PRR5L: variants seen among roughly 807,000 people sequenced by gnomAD.
The protein encoded by PRR5L is proline-rich protein 5-like.
In PRR5L, 21 loss-of-function variants were observed where a neutral mutation model predicts 36.4. That is an observed-to-expected ratio of 0.58 (90% confidence interval 0.41 to 0.83). The LOEUF is 0.83. Among genes scored for constraint, PRR5L ranks in the 40% least tolerant of loss-of-function variants. The pLI, the probability that PRR5L is intolerant of heterozygous loss-of-function variation, is 0.00. For synonymous variants in PRR5L, 188 were observed against 197.0 expected, an observed-to-expected ratio of 0.95 and a Z score of 0.38; for missense variants, 381 against 473.3, an observed-to-expected ratio of 0.80 and a Z score of 1.81.
chr11:36,331,242 A>G (rs1227764434), intron 1 of PRR5L, among the ~76,000 whole-genome samples: 2 of 151,250 alleles, frequency 1.3e-5, no homozygotes, highest in African/African-American at 4.8e-5. Flanking sequence ...TTAGAATGTC[A>G]AATAACCTAA....
intron 1 of PRR5L, among the ~76,000 whole-genome samples, chr11:36,330,518 G>T (rs749191215): frequency 6.6e-6 from 1 of 152,184 alleles, no homozygotes; most frequent in Middle Eastern, 3.4e-3. Context: ...ATCCCTTTCC[G>T]TGGGTCTTGA....
At chr11:36,385,290 A>G (rs1857437621) in intron 1 of PRR5L, among the ~76,000 whole-genome samples, 1 of 152,214 alleles carries the variant, frequency 6.6e-6, no homozygotes, top group Non-Finnish European at 1.5e-5. Context: ...CCCAGACAAT[A>G]TGCACTCCAA....
chr11:36,396,658 A>C (rs1257518407), intron 1 of PRR5L, among the ~76,000 whole-genome samples: 1 of 152,118 alleles, frequency 6.6e-6, no homozygotes, highest in Non-Finnish European at 1.5e-5. Context: ...TATCCATTTA[A>C]TCCTCCTCCA....
chr11:36,352,319 T>C (rs11603150), intron 1 of PRR5L, among the ~76,000 whole-genome samples: 38,624 of 152,046 alleles, frequency 0.25, 5,617 homozygotes, highest in Non-Finnish European at 0.33. Context: ...TTTGTTTGAG[T>C]TCCTTGTAGA....
At position 36,422,248 on chromosome 11, in the gene PRR5L, G is replaced by A. The variant is rs148887019; in HGVS notation, c.294+2945G>A. ...GAGACACGTCCCAGAGGGAAGGCTT[G>A]TAGAGGCGAGCTTAGCCTTCACATT... On this transcript the variant is annotated intron_variant, in intron 4 of 8. Transcript: ENST00000530639. Among the ~76,000 whole-genome samples, 1,130 of 152,282 alleles carry A rather than the reference G, an allele frequency of 7.4e-3. 5 individuals are homozygous for A. The highest frequency in any genetic ancestry group is 0.027 in the Middle Eastern group (8 of 294).
Position 36,462,692 on chromosome 11 carries a change from G to A in PRR5L, c.1063G>A (p.Gly355Ser), listed in dbSNP as rs577292135. The change falls in exon 9 of 9, where the codon GGC (glycine) becomes AGC (serine). Residue 355 changes from glycine to serine, a missense_variant. Physicochemically the swap from Gly to Ser is moderately conservative, Grantham distance 56 (BLOSUM62 0). Transcript: ENST00000530639. ...TGACGGACTGGAGGAGGGGGCCAGGGGCAGCCAGGAGGGCTCGGAGCTGAA... is the reference window on the plus strand; with the variant it reads ...TGACGGACTGGAGGAGGGGGCCAGGAGCAGCCAGGAGGGCTCGGAGCTGAA... ...NPDGLEEGAR[G>S]SQEGSELNCA... The A allele has an allele frequency of 7.5e-6, 12 of 1,601,362 alleles. No homozygotes were observed. The African/African-American group carries it at 1.5e-4, about 20-fold the overall frequency.
rs1170878807 is a variant in PRR5L at position 36,464,384 on chromosome 11, AAATATGATTGAT to A, written c.*1649_*1660del. ...CATTTCCCTTCTGAGTGAAGATTTG[AAATATGATTGAT>A]TAGAATTGTGCTCTTGATGGCTGGG... On this transcript the variant is annotated 3_prime_UTR_variant, in exon 9 of 9. Coordinates refer to ENST00000530639, the MANE Select transcript of PRR5L (RefSeq NM_001160167.2). The A allele has an allele frequency of 6.6e-6, 1 of 152,228 alleles. No individual in the cohort carries two copies. The highest frequency in any genetic ancestry group is 6.5e-5 in the Admixed American group (1 of 15,286). The allele number at this position is 152,228 out of a possible 1,614,324, so 9.4% of individuals were successfully genotyped here. A position where few individuals can be genotyped will look rare whatever the true frequency, so the allele number is the denominator to read the frequency against.
At chr11:36,357,603 C>T (rs1554987861) in intron 1 of PRR5L, among the ~76,000 whole-genome samples, 1 of 152,114 alleles carries the variant, frequency 6.6e-6, no homozygotes, top group Non-Finnish European at 1.5e-5. Context: ...GCTAAATATA[C>T]TCTGCCTGTG....
intron 1 of PRR5L, among the ~76,000 whole-genome samples, chr11:36,375,366 T>C (rs1005777247): frequency 1.3e-5 from 2 of 152,204 alleles, no homozygotes; most frequent in African/African-American, 4.8e-5. Flanking sequence ...CTTTTAGCTT[T>C]ACCTAATATC....
intron 4 of PRR5L, among the ~76,000 whole-genome samples, chr11:36,420,865 A>ACACACACACG (rs1858249725): frequency 6.6e-6 from 1 of 151,098 alleles, no homozygotes; most frequent in Admixed American, 6.6e-5. Context: ...ACACACACAC[A>ACACACACACG]CACACACACA....
At chr11:36,420,079 T>C (rs192534053) in intron 4 of PRR5L, among the ~76,000 whole-genome samples, 3 of 152,304 alleles carry the variant, frequency 2.0e-5, no homozygotes. Context: ...TTTTCATGAC[T>C]CTAACCAAAG....
intron 1 of PRR5L, among the ~76,000 whole-genome samples, chr11:36,351,003 TATTTATATAG>T (rs1440258406): frequency 7.7e-5 from 8 of 104,196 alleles, no homozygotes; most frequent in African/African-American, 3.3e-4. Context: ...TATTTATATA[TATTTATATAG>T]TTATATATTT....
At chr11:36,340,484 C>T (rs12364237) in intron 1 of PRR5L, among the ~76,000 whole-genome samples, 13,458 of 152,256 alleles carry the variant, frequency 0.088, 722 homozygotes, top group Non-Finnish European at 0.12. Context: ...AGACACTGTT[C>T]GAAGTGCTTT....
chr11:36,304,091 G>A (rs1430757354), intron 1 of PRR5L, among the ~76,000 whole-genome samples: 1 of 152,108 alleles, frequency 6.6e-6, no homozygotes, highest in African/African-American at 2.4e-5. Flanking sequence ...AAGAGACTGA[G>A]GCCATTCCTC....
At chr11:36,420,367 T>C (rs1213695802) in intron 4 of PRR5L, among the ~76,000 whole-genome samples, 1 of 152,218 alleles carries the variant, frequency 6.6e-6, no homozygotes, top group Non-Finnish European at 1.5e-5. Flanking sequence ...TCACAGCCTT[T>C]AGAGGCAGAG....
At chr11:36,412,570 T>C (rs1253087116) in intron 3 of PRR5L, among the ~76,000 whole-genome samples, 1 of 152,196 alleles carries the variant, frequency 6.6e-6, no homozygotes, top group Non-Finnish European at 1.5e-5. Context: ...GATTTTCATC[T>C]TCCCTGCATC....
intron 6 of PRR5L, among the ~76,000 whole-genome samples, chr11:36,440,658 G>A (rs776420174): frequency 3.5e-4 from 54 of 152,182 alleles, no homozygotes; most frequent in Non-Finnish European, 6.8e-4. Flanking sequence ...GACTGTGTTA[G>A]TCTGTTTGTG....
intron 5 of PRR5L, among the ~76,000 whole-genome samples, chr11:36,432,303 A>G (rs1858517245): frequency 6.6e-6 from 1 of 152,058 alleles, no homozygotes; most frequent in South Asian, 2.1e-4. Flanking sequence ...AGGCCTTTGT[A>G]ATATTTCTGG....
chr11:36,452,314 G>A (rs1858961516), intron 8 of PRR5L, among the ~76,000 whole-genome samples: 2 of 152,134 alleles, frequency 1.3e-5, no homozygotes, highest in African/African-American at 2.4e-5. Context: ...TCACTTTAAT[G>A]GAGTTGTAAT....
Sources: gnomAD v4.1 joint callset for allele counts (sites outside exome capture counted in the v4.1 genomes callset) on GRCh38, gnomAD v4.1.1 for gene constraint, MANE v1.5 for transcripts, NCBI Gene and HGNC (gene_info 2026-07-23, HGNC 2026-07-21) for gene names.